INSL6: variants seen among roughly 807,000 people sequenced by gnomAD.
The protein encoded by INSL6 is insulin like 6.
In INSL6, 16 loss-of-function variants were observed where a neutral mutation model predicts 9.4. That is an observed-to-expected ratio of 1.70 (90% CI 1.15 to 2.59). INSL6 has a LOEUF of 2.59. INSL6 is among the 30% of genes most tolerant of loss of function. INSL6 has a pLI of 0.00. For synonymous variants in INSL6, 154 were observed against 96.9 expected (o/e 1.59, Z -3.46); for missense variants, 391 against 257.3 (o/e 1.52, Z -3.56).
the INSL6 span, among the ~76,000 whole-genome samples, chr9:5,059,897 C>A: frequency 6.6e-6 from 1 of 151,952 alleles, no homozygotes; most frequent in African/African-American, 2.4e-5. Flanking sequence ...TTGACTTGTC[C>A]CTTTCTGATC....
the INSL6 span, among the ~76,000 whole-genome samples, chr9:5,032,925 G>C: frequency 6.6e-6 from 1 of 152,156 alleles, no homozygotes; most frequent in African/African-American, 2.4e-5. Context: ...AGAGAAGAAG[G>C]CTTCAGACGA....
the INSL6 span, among the ~76,000 whole-genome samples, chr9:5,101,693 A>G: frequency 6.6e-6 from 1 of 152,372 alleles, no homozygotes; most frequent in African/African-American, 2.4e-5. Context: ...AGGATCAGGC[A>G]GCAACATTGG....
At chr9:5,006,781 A>G in the INSL6 span, among the ~76,000 whole-genome samples, 5 of 152,232 alleles carry the variant, frequency 3.3e-5, no homozygotes, top group African/African-American at 1.2e-4. Flanking sequence ...ACTGAAGATC[A>G]TAATTCAACA....
At chr9:5,050,740 C>G in the INSL6 span, 12 of 1,613,578 alleles carry the variant, frequency 7.4e-6, no homozygotes, top group Admixed American at 1.5e-4. Context: ...TCATGAAACA[C>G]AGGAAGAATG....
chr9:5,111,251 C>G, the INSL6 span: 5 of 515,062 alleles, frequency 9.7e-6, no homozygotes, highest in Admixed American at 7.0e-5. Context: ...TTGGTAGAGA[C>G]GCAGGCGTGC....
the INSL6 span, among the ~76,000 whole-genome samples, chr9:5,017,195 G>C: frequency 6.6e-6 from 1 of 152,066 alleles, no homozygotes; most frequent in Non-Finnish European, 1.5e-5. Context: ...GATTTTGAGA[G>C]TGAGGGCAAC....
the INSL6 span, among the ~76,000 whole-genome samples, chr9:5,034,461 A>G: frequency 2.6e-5 from 4 of 152,270 alleles, no homozygotes; most frequent in South Asian, 2.1e-4. Context: ...CACCACACCT[A>G]TTCCAAAATT....
intron 3 of INSL6, among the ~76,000 whole-genome samples, chr9:5,130,230 A>G (rs1433886251): frequency 6.6e-6 from 1 of 152,144 alleles, no homozygotes; most frequent in African/African-American, 2.4e-5. Flanking sequence ...AGTTATTTGT[A>G]TTATAAGCTT....
At chr9:5,030,904 C>T in the INSL6 span, among the ~76,000 whole-genome samples, 1 of 151,764 alleles carries the variant, frequency 6.6e-6, no homozygotes, top group Non-Finnish European at 1.5e-5. Flanking sequence ...AATAAATGTT[C>T]AAAGAAATAA....
At chr9:5,105,833 A>T in the INSL6 span, among the ~76,000 whole-genome samples, 24 of 152,364 alleles carry the variant, frequency 1.6e-4, no homozygotes, top group Admixed American at 1.1e-3. Context: ...TATTTAATAA[A>T]TGGTGCTGGG....
the INSL6 span, among the ~76,000 whole-genome samples, chr9:5,021,341 C>T: frequency 6.6e-6 from 1 of 152,178 alleles, no homozygotes; most frequent in Non-Finnish European, 1.5e-5. Context: ...GACCCCTCTT[C>T]CCCCAATTTG....
chr9:5,131,217 C>G (rs1394607633), intron 3 of INSL6, among the ~76,000 whole-genome samples: 1 of 152,084 alleles, frequency 6.6e-6, no homozygotes, highest in African/African-American at 2.4e-5. Context: ...TACTTTCTTC[C>G]TCTGCTTAAT....
chr9:5,046,240 C>G, the INSL6 span, among the ~76,000 whole-genome samples: 2 of 152,066 alleles, frequency 1.3e-5, no homozygotes, highest in East Asian at 3.9e-4. Context: ...TACTGAAGTC[C>G]TTTGCCCATT....
rs1455646913 is a variant in INSL6, at chr9:5,126,943, A to G, written c.*11-2432T>C. On this transcript the variant is annotated intron_variant, in intron 3 of 3. Coordinates refer to the INSL6 transcript ENST00000649639. ...GAAAATATCTGCTCAAAACTTTCAA[A>G]GTTTAGTAAGTTTTTCTTCATGAGG... is the stretch of plus-strand genomic sequence containing the variant. 9.6e-6 allele frequency: 4 copies of G among 417,092 alleles called. No individual in the cohort carries two copies. In the Admixed American group the frequency reaches 1.3e-4, roughly 14 times the overall value. 25.8% of individuals were successfully genotyped at this position (417,092 alleles called of 1,614,324 possible).
chr9:5,117,967 T>C, the INSL6 span, among the ~76,000 whole-genome samples: 1 of 152,248 alleles, frequency 6.6e-6, no homozygotes, highest in Non-Finnish European at 1.5e-5. Flanking sequence ...CTCTTACACA[T>C]TTTTAAATTG....
At chr9:5,061,077 A>G in the INSL6 span, among the ~76,000 whole-genome samples, 1 of 152,232 alleles carries the variant, frequency 6.6e-6, no homozygotes, top group Non-Finnish European at 1.5e-5. Flanking sequence ...GGCTTAAAAT[A>G]GTCAGTAAAC....
At chr9:5,116,727 TC>T in the INSL6 span, among the ~76,000 whole-genome samples, 1 of 152,182 alleles carries the variant, frequency 6.6e-6, no homozygotes, top group Non-Finnish European at 1.5e-5. Context: ...AAAAGGACTG[TC>T]CCTTAGTAGA....
the INSL6 span, among the ~76,000 whole-genome samples, chr9:5,106,893 C>G: frequency 6.6e-6 from 1 of 151,788 alleles, no homozygotes; most frequent in African/African-American, 2.4e-5. Context: ...ACAAAGGGGC[C>G]CGGGGGAGGG....
chr9:4,995,206 A>C, the INSL6 span, among the ~76,000 whole-genome samples: 3 of 152,178 alleles, frequency 2.0e-5, no homozygotes, highest in South Asian at 4.2e-4. Flanking sequence ...ATCTTGGCCC[A>C]CTTTCTATTG....
Sources: gnomAD v4.1 joint callset for allele counts (sites outside exome capture counted in the v4.1 genomes callset) on GRCh38, gnomAD v4.1.1 for gene constraint, MANE v1.5 for transcripts, NCBI Gene and HGNC (gene_info 2026-07-23, HGNC 2026-07-21) for gene names.